The following SLCO2A1 variants were observed in gnomAD, a reference collection of about 807,000 sequenced individuals.
SLCO2A1 encodes the protein solute carrier organic anion transporter family member 2A1.
Under a neutral mutation model 71.7 loss-of-function variants are expected in SLCO2A1, and 60 were observed. That is an observed-to-expected ratio of 0.84 (90% CI 0.68 to 1.04). The LOEUF (loss-of-function observed/expected upper bound fraction) is 1.04. Among genes scored for constraint, SLCO2A1 ranks in the 50% least tolerant of loss-of-function variants. The pLI is 0.00. For synonymous variants in SLCO2A1, 308 were observed against 326.7 expected (o/e 0.94, Z 0.62); for missense variants, 745 against 813.4 (o/e 0.92, Z 1.02).
At position 134,026,512 on chromosome 3, in the gene SLCO2A1, T is replaced by C. The variant is rs1020805600; in HGVS notation, c.96+3195A>G. On this transcript the variant is annotated intron_variant, in intron 1 of 13. Transcript: ENST00000310926. ...TCCCGCGAAAAGAGAAGCATAGCTA[T>C]AGGAAATTGAAAAAATGATAAATGG... is the stretch of plus-strand genomic sequence containing the variant. 3.3e-5 allele frequency among the ~76,000 whole-genome samples: 5 copies of C among 152,140 alleles called. No homozygotes were observed. In the East Asian group the frequency reaches 9.6e-4, roughly 29 times the overall value.
intron 1 of SLCO2A1, among the ~76,000 whole-genome samples, chr3:134,017,623 G>T (rs1381233812): frequency 2.0e-5 from 3 of 150,340 alleles, no homozygotes; most frequent in Non-Finnish European, 4.4e-5. Flanking sequence ...TGGCTGCTTA[G>T]TTCCACCATC....
At chr3:134,006,108 G>A (rs551759240) in intron 1 of SLCO2A1, among the ~76,000 whole-genome samples, 25 of 152,176 alleles carry the variant, frequency 1.6e-4, no homozygotes, top group Non-Finnish European at 2.6e-4. Flanking sequence ...CTGGGCTGGA[G>A]TGCAGTGGTG....
intron 1 of SLCO2A1, among the ~76,000 whole-genome samples, chr3:133,998,284 C>A (rs989030224): frequency 1.3e-5 from 2 of 152,206 alleles, no homozygotes; most frequent in African/African-American, 4.8e-5. Flanking sequence ...TTTTTAAATT[C>A]TTCAAGTCCC....
intron 1 of SLCO2A1, among the ~76,000 whole-genome samples, chr3:133,999,374 G>A (rs901555818): frequency 5.9e-5 from 9 of 152,186 alleles, no homozygotes; most frequent in African/African-American, 1.7e-4. Context: ...ATGGGTGGGT[G>A]TATTATTGCT....
rs72978391 is a variant in SLCO2A1, at chr3:133,934,722, G to A, written c.1923C>T (p.Gly641=). 5.0e-3 allele frequency: 7,995 copies of A among 1,613,170 alleles called. 349 individuals carry two copies. In the African/African-American group the frequency reaches 0.092, roughly 19 times the overall value. Residue 641 remains glycine (G), a synonymous_variant, in exon 14 of 14, where the codon GGC becomes GGT. Transcript: ENST00000310926. ...NKEYNVQKAA[G]LI is the part of the protein sequence containing the mutation. Reference sequence around the variant, plus strand: ...GTGGCCCAGGGTGGGGTCAGATGAGGCCTGCCGCCTTCTGCACGTTGTACT... The same window carrying A: ...GTGGCCCAGGGTGGGGTCAGATGAGACCTGCCGCCTTCTGCACGTTGTACT...
At chr3:133,939,754 C>T (rs72978396) in intron 11 of SLCO2A1, among the ~76,000 whole-genome samples, 4,351 of 152,226 alleles carry the variant, frequency 0.029, 194 homozygotes, top group African/African-American at 0.097. Context: ...CTCAATGAAA[C>T]GGGACTTGGC....
chr3:134,014,117 C>G (rs1485692121), intron 1 of SLCO2A1, among the ~76,000 whole-genome samples: 1 of 152,118 alleles, frequency 6.6e-6, no homozygotes, highest in Non-Finnish European at 1.5e-5. Context: ...TTTGGGTAAA[C>G]AAAATGAAAC....
rs190212866 is a variant in SLCO2A1, at chr3:133,982,690, C to T, written c.97-3072G>A. 2.0e-3 allele frequency among the ~76,000 whole-genome samples: 300 copies of T among 152,220 alleles called. 2 individuals carry two copies. Among genetic ancestry groups the T allele is most frequent in the South Asian group, 5.2e-3 (25 of 4,818 alleles). ...GGTGTCTCCCACATTGGAGCCCTGCCTCTTCTACTGGTGTAAGCCTTGGCT... is the reference window on the plus strand; with the variant it reads ...GGTGTCTCCCACATTGGAGCCCTGCTTCTTCTACTGGTGTAAGCCTTGGCT... On this transcript the variant is annotated intron_variant, in intron 1 of 13. Coordinates refer to ENST00000310926, the MANE Select transcript of SLCO2A1 (RefSeq NM_005630.3).
intron 1 of SLCO2A1, among the ~76,000 whole-genome samples, chr3:134,011,949 G>C (rs933035673): frequency 6.6e-6 from 1 of 152,136 alleles, no homozygotes; most frequent in African/African-American, 2.4e-5. Flanking sequence ...GGCTGATGAG[G>C]GCATCACAAA....
At chr3:133,953,424 A>C (rs979487466) in intron 5 of SLCO2A1, among the ~76,000 whole-genome samples, 6 of 152,248 alleles carry the variant, frequency 3.9e-5, no homozygotes, top group Non-Finnish European at 5.9e-5. Flanking sequence ...TCTTAAGGGC[A>C]GAAAGTGAGT....
chr3:133,999,899 A>C (rs1935065693), intron 1 of SLCO2A1, among the ~76,000 whole-genome samples: 1 of 152,202 alleles, frequency 6.6e-6, no homozygotes, highest in African/African-American at 2.4e-5. Flanking sequence ...ATCACCGAAG[A>C]CTTCTGAGCA....
chr3:133,944,117 G>C (rs1933504411), intron 10 of SLCO2A1, among the ~76,000 whole-genome samples: 1 of 152,118 alleles, frequency 6.6e-6, no homozygotes, highest in Non-Finnish European at 1.5e-5. Context: ...CTTGGGACTT[G>C]TACTTGCTGC....
chr3:133,968,246 A>G (rs185477522), intron 3 of SLCO2A1, among the ~76,000 whole-genome samples: 1 of 149,658 alleles, frequency 6.7e-6, no homozygotes, highest in Admixed American at 6.6e-5. Flanking sequence ...TTAGCTTCCT[A>G]CTCATAGACA....
At chr3:134,027,684 C>T (rs1935726392) in intron 1 of SLCO2A1, among the ~76,000 whole-genome samples, 1 of 152,204 alleles carries the variant, frequency 6.6e-6, no homozygotes, top group Non-Finnish European at 1.5e-5. Flanking sequence ...GCAACCCATC[C>T]CCCACTGCAA....
At chr3:133,960,563 G>A (rs191921707) in intron 3 of SLCO2A1, among the ~76,000 whole-genome samples, 70 of 152,326 alleles carry the variant, frequency 4.6e-4, no homozygotes, top group African/African-American at 1.7e-3. Context: ...TGGGAATGAA[G>A]AGTTAGTGTT....
intron 1 of SLCO2A1, among the ~76,000 whole-genome samples, chr3:134,018,599 CT>C (rs1935510504): frequency 6.6e-6 from 1 of 152,170 alleles, no homozygotes; most frequent in Non-Finnish European, 1.5e-5. Context: ...CATTACTTCA[CT>C]ACTGGAGCTC....
chr3:134,019,068 G>A (rs372854665), intron 1 of SLCO2A1, among the ~76,000 whole-genome samples: 58 of 152,274 alleles, frequency 3.8e-4, no homozygotes, highest in African/African-American at 1.1e-3. Context: ...TGTGTCAACA[G>A]GGCCCAGAGA....
chr3:133,977,542 AAGG>A (rs1289777034), intron 2 of SLCO2A1, among the ~76,000 whole-genome samples: 2 of 152,130 alleles, frequency 1.3e-5, no homozygotes, highest in Non-Finnish European at 2.9e-5. Context: ...GGCTGAGGTG[AAGG>A]AGAAGATTCA....
intron 1 of SLCO2A1, among the ~76,000 whole-genome samples, chr3:134,020,998 G>A (rs1935563485): frequency 6.6e-6 from 1 of 152,120 alleles, no homozygotes; most frequent in Non-Finnish European, 1.5e-5. Context: ...TGGAAGCGTG[G>A]CCTCATCACC....
Sources: allele counts gnomAD v4.1 joint callset (sites outside exome capture counted in the v4.1 genomes callset), GRCh38; gene constraint gnomAD v4.1.1; transcripts MANE v1.5; gene names NCBI Gene and HGNC (gene_info 2026-07-23, HGNC 2026-07-21).